The following KLHL25 variants were observed in gnomAD, a reference collection of about 807,000 sequenced individuals.
KLHL25 encodes kelch like family member 25.
Under a neutral mutation model 30.0 loss-of-function variants are expected in KLHL25, and 41 were observed. The ratio of observed to expected loss-of-function variants is 1.37; its 90% CI spans 1.07 to 1.78. The LOEUF is 1.78. Ranked by LOEUF, KLHL25 falls within the 40% of genes most tolerant of loss-of-function variation. KLHL25 has a pLI of 0.00. For missense variants in KLHL25, 971 were observed against 824.5 expected (o/e 1.18, Z -2.18); for synonymous variants, 399 against 355.3 (o/e 1.12, Z -1.38).
intron 1 of KLHL25, among the ~76,000 whole-genome samples, chr15:85,781,944 C>A (rs2089746209): frequency 6.6e-6 from 1 of 152,062 alleles, no homozygotes; most frequent in Non-Finnish European, 1.5e-5. Flanking sequence ...GGACCCAGTA[C>A]CCTCTCACCC....
chr15:85,762,254 A>G (rs2089588122), intron 2 of KLHL25: 1 of 152,250 alleles, frequency 6.6e-6, no homozygotes, highest in Non-Finnish European at 1.5e-5. Context: ...TCTTGGCCCC[A>G]TCCCAGCACG....
chr15:85,794,230 G>C (rs946295271), intron 1 of KLHL25, among the ~76,000 whole-genome samples: 116 of 152,314 alleles, frequency 7.6e-4, no homozygotes, highest in African/African-American at 2.7e-3. Flanking sequence ...ACCGAAACGA[G>C]GGACCCTGGC....
chr15:85,768,995 G>C lies in KLHL25; in HGVS notation c.816C>G (p.Cys272Trp). 6.2e-7 allele frequency: 1 copy of C among 1,612,280 alleles called. No homozygotes were observed. Among genetic ancestry groups the C allele is most frequent in the East Asian group, 2.2e-5 (1 of 44,880 alleles). ...TKLIMDEALR[C>W]KTRILQNDGV... ...CATCATTCTGCAGGATCCTGGTCTT[G>C]CAGCGCAGGGCCTCATCCATGATAA... Residue 272 changes from cysteine (C) to tryptophan (W), a missense_variant, in exon 2 of 3, where the codon TGC becomes TGG. Coordinates refer to ENST00000337975, the MANE Select transcript of KLHL25 (RefSeq NM_022480.4).
chr15:85,768,953 G>C lies in KLHL25; in HGVS notation c.858C>G (p.Pro286=). ...GGCCCGCCTTGCGTGGCCGGGCACA[G>C]GGGCTGGTGACCACGCCATCATTCT... is the stretch of plus-strand genomic sequence containing the variant. ...ILQNDGVVTS[P]CARPRKAGHT... Residue 286 remains proline (P), a synonymous_variant, in exon 2 of 3, where the codon CCC becomes CCG. Transcript: ENST00000337975. The C allele has an allele frequency of 6.2e-7, 1 of 1,613,252 alleles. No homozygotes were observed. Among genetic ancestry groups the C allele is most frequent in the Non-Finnish European group, 8.5e-7 (1 of 1,180,030 alleles).
At chr15:85,772,570 G>A (rs1339642949) in intron 1 of KLHL25, among the ~76,000 whole-genome samples, 1 of 152,230 alleles carries the variant, frequency 6.6e-6, no homozygotes, top group East Asian at 1.9e-4. Flanking sequence ...AACACACCTA[G>A]AACTAACTCC....
At chr15:85,788,658 C>T (rs2089797092) in intron 1 of KLHL25, among the ~76,000 whole-genome samples, 1 of 152,222 alleles carries the variant, frequency 6.6e-6, no homozygotes, top group African/African-American at 2.4e-5. Context: ...GCCTGTCTGC[C>T]TCCCACATCA....
rs776186991 is a variant in KLHL25, at chr15:85,768,803, T to C, written c.1008A>G (p.Ser336=). Residue 336 remains serine, a synonymous_variant, in exon 2 of 3, where the codon TCA becomes TCG. Transcript: ENST00000337975. ...TCACATAGACCTTGCAGCCGATCGCTGAGGCGCTGAACTCCTTCCGGGGGC... is the reference window on the plus strand; with the variant it reads ...TCACATAGACCTTGCAGCCGATCGCCGAGGCGCTGAACTCCTTCCGGGGGC... ...LPSPRKEFSA[S]AIGCKVYVTG... is the part of the protein sequence containing the mutation. 1.9e-6 allele frequency: 3 copies of C among 1,613,328 alleles called. No homozygotes were observed. The highest frequency in any genetic ancestry group is 2.2e-5 in the East Asian group (1 of 44,884).
At chr15:85,777,926 G>C (rs140025089) in intron 1 of KLHL25, among the ~76,000 whole-genome samples, 1 of 152,340 alleles carries the variant, frequency 6.6e-6, no homozygotes, top group Non-Finnish European at 1.5e-5. Context: ...CTGATACTGT[G>C]CTAGGCATTT....
chr15:85,792,522 G>C (rs190173784), intron 1 of KLHL25, among the ~76,000 whole-genome samples: 1 of 152,114 alleles, frequency 6.6e-6, no homozygotes. Flanking sequence ...GGGACCAGGG[G>C]GTAGGTTCTC....
chr15:85,791,753 C>G lies in KLHL25; in HGVS notation c.-11+3013G>C, dbSNP rs2089818804. Among the ~76,000 whole-genome samples the G allele has an allele frequency of 2.6e-5, 4 of 152,264 alleles. No individual in the cohort carries two copies. The South Asian group carries it at 8.3e-4, about 32-fold the overall frequency. On this transcript the variant is annotated intron_variant, in intron 1 of 2. Coordinates refer to ENST00000337975, the MANE Select transcript of KLHL25 (RefSeq NM_022480.4). ...AGGGGAGCCCGGCATGACTGACACCCACTTGGTGCCAGACCCCATTCTAGG... is the reference window on the plus strand; with the variant it reads ...AGGGGAGCCCGGCATGACTGACACCGACTTGGTGCCAGACCCCATTCTAGG...
chr15:85,781,807 A>T (rs937411324), intron 1 of KLHL25, among the ~76,000 whole-genome samples: 17 of 152,120 alleles, frequency 1.1e-4, no homozygotes, highest in Admixed American at 7.9e-4. Flanking sequence ...TATCTTCCAC[A>T]CTAACCACTG....
chr15:85,768,831 G>C lies in KLHL25; in HGVS notation c.980C>G (p.Pro327Arg). ...AKEIIPKADL[P>R]SPRKEFSASA... Reference sequence around the variant, plus strand: ...GGCGCTGAACTCCTTCCGGGGGCTGGGCAGGTCGGCCTTGGGGATGATCTC... The same window carrying C: ...GGCGCTGAACTCCTTCCGGGGGCTGCGCAGGTCGGCCTTGGGGATGATCTC... The change falls in exon 2 of 3, where the codon CCC becomes CGC. Residue 327 changes from proline to arginine, a missense_variant. Physicochemically the swap from Pro to Arg is moderately radical, Grantham distance 103. Transcript: ENST00000337975. 6.2e-7 allele frequency: 1 copy of C among 1,613,356 alleles called. No homozygotes were observed. Among genetic ancestry groups the C allele is most frequent in the African/African-American group, 1.3e-5 (1 of 75,070 alleles).
At chr15:85,761,200 CA>C (rs2089580047) in intron 2 of KLHL25, 189 bp from the exon 3 acceptor site, 1 of 152,272 alleles carries the variant, frequency 6.6e-6, no homozygotes, top group African/African-American at 2.4e-5. Context: ...CACTGAGTGG[CA>C]GGTGACTCAG....
chr15:85,793,832 G>C (rs1022929079), intron 1 of KLHL25, among the ~76,000 whole-genome samples: 11 of 152,248 alleles, frequency 7.2e-5, no homozygotes, highest in Middle Eastern at 6.8e-3. Context: ...CCGGGATCCA[G>C]CAGGACCCAA....
rs1291224528 is a variant in KLHL25, at chr15:85,789,698, G to C, written c.-11+5068C>G. Among the ~76,000 whole-genome samples, 2 of 152,078 alleles carry C rather than the reference G, an allele frequency of 1.3e-5. No individual in the cohort carries two copies. The highest frequency in any genetic ancestry group is 1.3e-4 in the Admixed American group (2 of 15,260). On this transcript the variant is annotated intron_variant, in intron 1 of 2. Coordinates refer to ENST00000337975, the MANE Select transcript of KLHL25 (RefSeq NM_022480.4). This position sits in a 1 kb window ranked among gnomAD's most constrained non-coding sequence, Gnocchi z 4.1. Reference sequence around the variant, plus strand: ...CATCCTGGTGCTCCCACGAACTGCTGCCCAGCTCCCTGCCCACGACCAGTC... The same window carrying C: ...CATCCTGGTGCTCCCACGAACTGCTCCCCAGCTCCCTGCCCACGACCAGTC...
intron 2 of KLHL25, among the ~76,000 whole-genome samples, chr15:85,765,106 C>T (rs1168977313): frequency 2.0e-5 from 3 of 152,172 alleles, no homozygotes; most frequent in Non-Finnish European, 2.9e-5. Context: ...GAGATGGTCT[C>T]AGCTGCCTGA....
At chr15:85,785,710 G>A (rs1480561392) in intron 1 of KLHL25, among the ~76,000 whole-genome samples, 1 of 152,154 alleles carries the variant, frequency 6.6e-6, no homozygotes, top group Non-Finnish European at 1.5e-5. Context: ...AGTGGCCCCT[G>A]CCTCAGCCCG....
In KLHL25 at chr15:85,768,161, C is replaced by G. The variant is rs2089637216; in HGVS notation, c.1650G>C (p.Gln550His). 1 of 1,614,120 alleles carries G rather than the reference C, an allele frequency of 6.2e-7. No homozygotes were observed. The highest frequency in any genetic ancestry group is 1.3e-5 in the African/African-American group (1 of 74,940). Residue 550 changes from glutamine (Q) to histidine (H), a missense_variant, in exon 2 of 3, where the codon CAG (glutamine) becomes CAC (histidine). Transcript: ENST00000337975. ...CATAGCAGTCCAGAGTCTTACACCT[C>G]TGGGTCCCAAAGTAGCCCCCGACCA... is the stretch of plus-strand genomic sequence containing the variant. ...LYVVGGYFGT[Q>H]RCKTLDCYDP...
intron 1 of KLHL25, among the ~76,000 whole-genome samples, chr15:85,788,630 T>G (rs1234417532): frequency 6.6e-6 from 1 of 152,160 alleles, no homozygotes; most frequent in Non-Finnish European, 1.5e-5. Context: ...ATTGAGACCC[T>G]AGCGCTGTGC....
Sources: gnomAD v4.1 joint callset for allele counts (sites outside exome capture counted in the v4.1 genomes callset) on GRCh38, gnomAD v4.1.1 for gene constraint, Gnocchi (gnomAD v3.1) non-coding constraint, MANE v1.5 for transcripts, NCBI Gene and HGNC (gene_info 2026-07-23, HGNC 2026-07-21) for gene names.